INTS6: variants seen among roughly 807,000 people sequenced by gnomAD.
INTS6 encodes the protein integrator complex subunit 6.
A neutral mutation model predicts 104.9 loss-of-function variants in INTS6; 16 were observed. That is an observed-to-expected ratio of 0.15 (90% CI 0.10 to 0.23). The LOEUF is 0.23. Among genes scored for constraint, INTS6 ranks in the 10% least tolerant of loss-of-function variants. The pLI is 1.00. For missense variants in INTS6, 584 were observed against 1,062.8 expected (o/e 0.55, Z 6.26); for synonymous variants, 324 against 358.7 (o/e 0.90, Z 1.09).
chr13:51,409,893 A>G (rs1956651386), intron 4 of INTS6, among the ~76,000 whole-genome samples: 1 of 152,298 alleles, frequency 6.6e-6, no homozygotes, highest in South Asian at 2.1e-4. Flanking sequence ...CTACTAGGTA[A>G]CAAGAAAATT....
intron 4 of INTS6, 26 bp downstream of exon 4, chr13:51,430,268 A>T: frequency 1.3e-6 from 2 of 1,581,972 alleles, no homozygotes; most frequent in Non-Finnish European, 1.7e-6. Context: ...CATTTGCATA[A>T]TCCATGTAAT....
In INTS6 at chr13:51,363,675, T is replaced by C. The variant is rs930938652; in HGVS notation, c.*2077A>G. ...AACAAGTATTCTAATTTAACTAATA[T>C]ACCCATTTTTTTTTTAAATGAAAAA... On this transcript the variant is annotated 3_prime_UTR_variant, in exon 18 of 18. Coordinates refer to ENST00000311234, the MANE Select transcript of INTS6 (RefSeq NM_012141.3). 3 of 151,894 alleles carry C rather than the reference T, an allele frequency of 2.0e-5. No homozygotes were observed. Among genetic ancestry groups the C allele is most frequent in the Admixed American group, 6.6e-5 (1 of 15,212 alleles). The allele number at this position is 151,894 out of a possible 1,614,324, so 9.4% of individuals were successfully genotyped here.
At chr13:51,375,978 A>C (rs1219347030) in intron 13 of INTS6, 70 bp downstream of exon 13, 3 of 1,292,418 alleles carry the variant, frequency 2.3e-6, no homozygotes, top group Non-Finnish European at 3.2e-6. Flanking sequence ...AATTTACATC[A>C]CCATGCTATG....
At chr13:51,414,536 T>C (rs1401767839) in intron 4 of INTS6, among the ~76,000 whole-genome samples, 1 of 152,190 alleles carries the variant, frequency 6.6e-6, no homozygotes, top group African/African-American at 2.4e-5. Flanking sequence ...ATTTAATAAA[T>C]AGAAAGTTGG....
intron 4 of INTS6, among the ~76,000 whole-genome samples, chr13:51,418,582 T>G (rs1397046325): frequency 6.6e-6 from 1 of 152,220 alleles, no homozygotes; most frequent in Non-Finnish European, 1.5e-5. Flanking sequence ...CAATTATTTA[T>G]TGTTAGTTCC....
At position 51,378,279 on chromosome 13, in the gene INTS6, A is replaced by G. The variant is rs1256562752; in HGVS notation, c.1562T>C (p.Met521Thr). 1.2e-6 allele frequency: 2 copies of G among 1,613,420 alleles called. No homozygotes were observed. Among genetic ancestry groups the G allele is most frequent in the Non-Finnish European group, 8.5e-7 (1 of 1,179,430 alleles). The change falls in exon 12 of 18, where the codon ATG becomes ACG. Residue 521 changes from methionine to threonine, a missense_variant. Coordinates refer to ENST00000311234, the MANE Select transcript of INTS6 (RefSeq NM_012141.3). Reference protein sequence around the residue: ...DVPHRLLDLNMKEYTGFQVAL... With the variant: ...DVPHRLLDLNTKEYTGFQVAL... ...AACTTGGAACCCAGTGTATTCCTTC[A>G]TATTAAGGTCTAGCAGTCTGTGAGG... is the stretch of plus-strand genomic sequence containing the variant.
intron 4 of INTS6, among the ~76,000 whole-genome samples, chr13:51,397,826 C>T (rs1417840458): frequency 6.6e-6 from 1 of 151,988 alleles, no homozygotes; most frequent in Non-Finnish European, 1.5e-5. Flanking sequence ...CACACACACA[C>T]ACACACATGC....
intron 4 of INTS6, among the ~76,000 whole-genome samples, chr13:51,425,729 T>C (rs896898133): frequency 5.3e-5 from 8 of 152,016 alleles, no homozygotes; most frequent in Admixed American, 3.3e-4. Context: ...TCTGCAGATA[T>C]CAGAAGAAAA....
In INTS6 at chr13:51,451,406, C is replaced by G. The variant is rs560787503; in HGVS notation, c.190-232G>C. ...ACTGCCTTAATACTTTATAACTTCA[C>G]TGACAAATTTACTACCTAATCTAAT... is the stretch of plus-strand genomic sequence containing the variant. On this transcript the variant is annotated intron_variant, in intron 2 of 17. Transcript: ENST00000311234. 3 of 309,816 alleles carry G rather than the reference C, an allele frequency of 9.7e-6. No individual in the cohort carries two copies. The Admixed American group carries it at 1.5e-4, about 15-fold the overall frequency. 19.2% of individuals were successfully genotyped at this position (309,816 alleles called of 1,614,324 possible). A position where few individuals can be genotyped will look rare whatever the true frequency, so the allele number is the denominator to read the frequency against.
chr13:51,371,113 C>T (rs1341870141), intron 15 of INTS6, among the ~76,000 whole-genome samples: 1 of 152,212 alleles, frequency 6.6e-6, no homozygotes, highest in Non-Finnish European at 1.5e-5. Flanking sequence ...AAATGCTCAT[C>T]TGCCTCAGAC....
intron 12 of INTS6, among the ~76,000 whole-genome samples, chr13:51,377,297 C>A (rs1431491530): frequency 6.6e-6 from 1 of 152,046 alleles, no homozygotes; most frequent in Non-Finnish European, 1.5e-5. Flanking sequence ...GCTTTTCTCC[C>A]AAGCTGTAGC....
intron 15 of INTS6, among the ~76,000 whole-genome samples, chr13:51,371,285 C>T (rs976486501): frequency 1.7e-4 from 26 of 152,166 alleles, no homozygotes; most frequent in Admixed American, 6.5e-4. Flanking sequence ...TACACTTACA[C>T]CTTCGCCTTT....
downstream of INTS6, among the ~76,000 whole-genome samples, chr13:51,357,594 T>G (rs961378788): frequency 6.6e-6 from 1 of 152,114 alleles, no homozygotes; most frequent in African/African-American, 2.4e-5. Flanking sequence ...CTTCTTGGCA[T>G]CAAATATTTT....
chr13:51,433,619 G>A (rs1023900376), intron 3 of INTS6, among the ~76,000 whole-genome samples: 4 of 152,216 alleles, frequency 2.6e-5, no homozygotes, highest in South Asian at 2.1e-4. Context: ...CCACCCGAAA[G>A]GTAATACTTT....
rs373014152 is a variant in INTS6 at position 51,450,841 on chromosome 13, G to A, written c.339+184C>T. ...TGAATACCAATGCATTTTAGAGGGG[G>A]AAAAAATGAGGGATGTAAAATATAT... On this transcript the variant is annotated intron_variant, in intron 3 of 17. Coordinates refer to ENST00000311234, the MANE Select transcript of INTS6 (RefSeq NM_012141.3). 16 of 1,214,884 alleles carry A rather than the reference G, an allele frequency of 1.3e-5. No homozygotes were observed. In the African/African-American group the frequency reaches 2.2e-4, roughly 17 times the overall value. 75.3% of individuals were successfully genotyped at this position (1,214,884 alleles called of 1,614,324 possible).
At chr13:51,386,375 C>T (rs1410789455) in intron 7 of INTS6, among the ~76,000 whole-genome samples, 1 of 151,958 alleles carries the variant, frequency 6.6e-6, no homozygotes, top group Non-Finnish European at 1.5e-5. Flanking sequence ...GTTGAAAGAG[C>T]TCCAGAAAAG....
intron 3 of INTS6, chr13:51,438,627 T>C (rs1426417132): frequency 1.3e-5 from 2 of 152,242 alleles, no homozygotes; most frequent in African/African-American, 4.8e-5. Flanking sequence ...AATAAAGACC[T>C]TCTATTCTTT....
rs561201135 is a variant in INTS6 at position 51,361,985 on chromosome 13, G to T, written c.*3767C>A. 6.2e-7 allele frequency: 1 copy of T among 1,610,546 alleles called. No homozygotes were observed. Among genetic ancestry groups the T allele is most frequent in the Non-Finnish European group, 8.5e-7 (1 of 1,178,090 alleles). ...TTGTCCACTATCCCCTCAAAAATAAGCATTCTTTCTAGCTGTTTTTATGGT... is the reference window on the plus strand; with the variant it reads ...TTGTCCACTATCCCCTCAAAAATAATCATTCTTTCTAGCTGTTTTTATGGT... On this transcript the variant is annotated 3_prime_UTR_variant, in exon 18 of 18. Coordinates refer to ENST00000311234, the MANE Select transcript of INTS6 (RefSeq NM_012141.3).
intron 4 of INTS6, among the ~76,000 whole-genome samples, chr13:51,428,621 G>A (rs190043193): frequency 2.3e-3 from 343 of 152,176 alleles, no homozygotes; most frequent in Non-Finnish European, 3.8e-3. Context: ...ACCACGCCCG[G>A]CTAAAATGAA....
Sources: allele counts gnomAD v4.1 joint callset (sites outside exome capture counted in the v4.1 genomes callset), GRCh38; gene constraint gnomAD v4.1.1; transcripts MANE v1.5; gene names NCBI Gene and HGNC (gene_info 2026-07-23, HGNC 2026-07-21).